The following COL22A1 variants were observed in gnomAD, a reference collection of about 807,000 sequenced individuals.
COL22A1 encodes collagen type XXII alpha 1 chain.
A neutral mutation model predicts 248.9 loss-of-function variants in COL22A1; 221 were observed. The ratio of observed to expected loss-of-function variants is 0.89; its 90% CI spans 0.80 to 0.99. The LOEUF (loss-of-function observed/expected upper bound fraction) is 0.99, where lower values mean the gene tolerates loss of function less well. Among genes scored for constraint, COL22A1 ranks in the 50% least tolerant of loss-of-function variants. The pLI is 0.00. For synonymous variants in COL22A1, 891 were observed against 793.4 expected, an observed-to-expected ratio of 1.12 and a Z score of -2.07; for missense variants, 2,240 against 2,179.0, an observed-to-expected ratio of 1.03 and a Z score of -0.56.
At chr8:138,674,340 G>C (rs1825320053) in intron 41 of COL22A1, among the ~76,000 whole-genome samples, 2 of 151,974 alleles carry the variant, frequency 1.3e-5, no homozygotes, top group African/African-American at 2.4e-5. Context: ...CCCCCACGCT[G>C]ACCCCTTCTT....
In COL22A1 at chr8:138,619,494, C is replaced by G; in HGVS notation, c.3786G>C (p.Glu1262Asp). ...GPPGEPGKAGEPGLPGPEGAR... is the reference protein window; with the variant it reads ...GPPGEPGKAGDPGLPGPEGAR... The stretch of plus-strand genomic sequence containing the variant: ...CACCCTCTGGTCCTGGTAGACCTGG[C>G]TCTCCTGCTTTGCCCTGAGAGTAAG... Residue 1262 changes from glutamate (E) to aspartate (D), a missense_variant, in exon 53 of 65, where the codon GAG becomes GAC. Physicochemically the swap from Glu to Asp is conservative, Grantham distance 45. Coordinates refer to ENST00000303045, the MANE Select transcript of COL22A1 (RefSeq NM_152888.3). 1 of 1,614,148 alleles carries G rather than the reference C, an allele frequency of 6.2e-7. No individual in the cohort carries two copies. The highest frequency in any genetic ancestry group is 8.5e-7 in the Non-Finnish European group (1 of 1,179,982).
At chr8:138,787,478 G>T (rs539226564) in intron 12 of COL22A1, among the ~76,000 whole-genome samples, 3 of 152,360 alleles carry the variant, frequency 2.0e-5, no homozygotes, top group Admixed American at 6.5e-5. Context: ...TCTGGCTCAA[G>T]ATGGCTGGTA....
At chr8:138,673,570 G>T (rs1189228500) in intron 41 of COL22A1, among the ~76,000 whole-genome samples, 3 of 152,022 alleles carry the variant, frequency 2.0e-5, no homozygotes, top group African/African-American at 7.3e-5. Context: ...TAATGGAAAT[G>T]AATAAATCCT....
chr8:138,803,054 G>A, intron 10 of COL22A1, 120 bp from the exon 11 acceptor site: 5 of 790,470 alleles, frequency 6.3e-6, no homozygotes, highest in Non-Finnish European at 1.1e-5. Context: ...CTTCATCTTT[G>A]CCATTTCTGC....
At chr8:138,710,607 C>CTATA (rs754158630) in intron 30 of COL22A1, among the ~76,000 whole-genome samples, 147 of 148,360 alleles carry the variant, frequency 9.9e-4, no homozygotes, top group Middle Eastern at 3.4e-3. Context: ...ATCTATCTAT[C>CTATA]TATATATATA....
chr8:138,736,352 A>G (rs1831110663), intron 23 of COL22A1, among the ~76,000 whole-genome samples: 1 of 151,984 alleles, frequency 6.6e-6, no homozygotes, highest in Non-Finnish European at 1.5e-5. Context: ...AGAGAGCTTC[A>G]GGGGCTTGCC....
At chr8:138,761,697 T>C (rs369219503) in intron 17 of COL22A1, among the ~76,000 whole-genome samples, 1 of 152,164 alleles carries the variant, frequency 6.6e-6, no homozygotes, top group African/African-American at 2.4e-5. Flanking sequence ...TATGAATGTA[T>C]GATTTTAGGT....
chr8:138,632,050 G>A (rs1820769698), intron 49 of COL22A1, among the ~76,000 whole-genome samples: 1 of 152,172 alleles, frequency 6.6e-6, no homozygotes, highest in Admixed American at 6.5e-5. Context: ...ATTCACACAT[G>A]TGCCTCTTAC....
chr8:138,779,264 T>C (rs546587366), intron 14 of COL22A1, among the ~76,000 whole-genome samples: 31 of 152,392 alleles, frequency 2.0e-4, no homozygotes, highest in Non-Finnish European at 3.2e-4. Flanking sequence ...GGGGCCCATC[T>C]GTATTTACAG....
intron 64 of COL22A1, among the ~76,000 whole-genome samples, chr8:138,589,767 C>A (rs564271551): frequency 6.6e-6 from 1 of 152,274 alleles, no homozygotes; most frequent in African/African-American, 2.4e-5. Flanking sequence ...AGAGACCTGG[C>A]CTTCTGGGTT....
rs770025187 is a variant in COL22A1, at chr8:138,775,995, G to T, written c.1774C>A (p.Arg592=). 1.9e-6 allele frequency: 3 copies of T among 1,613,880 alleles called. No individual in the cohort carries two copies. The highest frequency in any genetic ancestry group is 1.3e-5 in the African/African-American group (1 of 74,880). Reference sequence around the variant, plus strand: ...TCTCCTCGAGTTCCCTTTTCACCTCGTTCTCCTTGGAGACCCTGGGGGACA... The same window carrying T: ...TCTCCTCGAGTTCCCTTTTCACCTCTTTCTCCTTGGAGACCCTGGGGGACA... ...RVGAPGLQGE[R]GEKGTRGEKG... The change falls in exon 16 of 65, where the codon CGA becomes AGA. Residue 592 remains arginine (R), a synonymous_variant. Coordinates refer to ENST00000303045, the MANE Select transcript of COL22A1 (RefSeq NM_152888.3).
intron 62 of COL22A1, 59 bp from the exon 63 acceptor site, chr8:138,594,258 ATGGCT>A: frequency 6.8e-7 from 1 of 1,473,070 alleles, no homozygotes. Context: ...ATAGGACAGG[ATGGCT>A]ACTCACTGAC....
intron 23 of COL22A1, among the ~76,000 whole-genome samples, chr8:138,737,170 G>T (rs1831182764): frequency 6.6e-6 from 1 of 152,174 alleles, no homozygotes; most frequent in Non-Finnish European, 1.5e-5. Flanking sequence ...GCAGTGCCTT[G>T]TCTGCCAAGG....
intron 7 of COL22A1, among the ~76,000 whole-genome samples, chr8:138,818,974 G>A (rs1292009123): frequency 6.6e-6 from 1 of 152,162 alleles, no homozygotes; most frequent in Non-Finnish European, 1.5e-5. Context: ...ACAGCTGGCT[G>A]GCAGTGGCTG....
chr8:138,889,822 C>T (rs1020741409), intron 1 of COL22A1, among the ~76,000 whole-genome samples: 11 of 152,220 alleles, frequency 7.2e-5, no homozygotes, highest in African/African-American at 2.6e-4. Context: ...TTCCCAGGCT[C>T]TAGAAATTTG....
chr8:138,880,024 T>C (rs977330115), intron 2 of COL22A1, among the ~76,000 whole-genome samples: 1 of 152,176 alleles, frequency 6.6e-6, no homozygotes, highest in African/African-American at 2.4e-5. Context: ...GGTATCTTTT[T>C]ATCCACCAAT....
At chr8:138,873,017 C>T (rs1823457430) in intron 3 of COL22A1, among the ~76,000 whole-genome samples, 1 of 152,202 alleles carries the variant, frequency 6.6e-6, no homozygotes, top group Non-Finnish European at 1.5e-5. Context: ...TGAGCCACAT[C>T]TGTTCTAGAC....
chr8:138,754,610 C>T (rs971285379), intron 21 of COL22A1, among the ~76,000 whole-genome samples: 2 of 152,168 alleles, frequency 1.3e-5, no homozygotes, highest in Non-Finnish European at 2.9e-5. Context: ...TAATTATTCT[C>T]GATATCTGAA....
chr8:138,652,373 G>C (rs899958038), intron 45 of COL22A1, among the ~76,000 whole-genome samples: 1 of 152,208 alleles, frequency 6.6e-6, no homozygotes, highest in African/African-American at 2.4e-5. Flanking sequence ...TCCTGACACA[G>C]AGTGAAAGCA....
Sources: allele counts gnomAD v4.1 joint callset (sites outside exome capture counted in the v4.1 genomes callset), GRCh38; gene constraint gnomAD v4.1.1; transcripts MANE v1.5; gene names NCBI Gene and HGNC (gene_info 2026-07-23, HGNC 2026-07-21).